The following ZNF208 variants were observed in gnomAD, a reference collection of about 807,000 sequenced individuals.
ZNF208 encodes zinc finger protein 95.
ZNF208 carries 10 observed loss-of-function variants against 12.1 expected under a neutral mutation model. The ratio of observed to expected loss-of-function variants is 0.83; its 90% CI spans 0.51 to 1.40. The LOEUF (loss-of-function observed/expected upper bound fraction) is 1.40. Ranked by LOEUF, ZNF208 falls within the 40% of genes most tolerant of loss-of-function variation. ZNF208 has a pLI of 0.00. For missense variants in ZNF208, 1,652 were observed against 1,485.0 expected, an observed-to-expected ratio of 1.11 and a Z score of -1.85; for synonymous variants, 497 against 488.4, an observed-to-expected ratio of 1.02 and a Z score of -0.23.
At position 21,971,844 on chromosome 19, in the gene ZNF208, T is replaced by C. The variant is rs1178559525; in HGVS notation, c.3190A>G (p.Lys1064Glu). ...EKPYKCEECGKAFSWPSRLTE... is the reference protein window; with the variant it reads ...EKPYKCEECGEAFSWPSRLTE... ...AGTCTTGAGGGCCAGCTGAAGGCTT[T>C]GCCACATTCTTCACATTTGTAGGGT... Residue 1064 changes from lysine to glutamate, a missense_variant, in exon 4 of 4, where the codon AAA becomes GAA. Coordinates refer to ENST00000397126, the MANE Select transcript of ZNF208 (RefSeq NM_007153.3). 1 of 1,613,650 alleles carries C rather than the reference T, an allele frequency of 6.2e-7. No individual in the cohort carries two copies. Among genetic ancestry groups the C allele is most frequent in the South Asian group, 1.1e-5 (1 of 91,006 alleles).
At chr19:21,948,873 C>T (rs535556151) in intron 4 of ZNF208, among the ~76,000 whole-genome samples, 36 of 152,266 alleles carry the variant, frequency 2.4e-4, no homozygotes, top group African/African-American at 8.4e-4. Context: ...GAGACAGAAT[C>T]CCCATTCCCA....
intron 2 of ZNF208, among the ~76,000 whole-genome samples, chr19:21,988,174 G>A (rs1970658880): frequency 6.6e-6 from 1 of 152,066 alleles, no homozygotes; most frequent in Non-Finnish European, 1.5e-5. Flanking sequence ...GCTCAAGAAT[G>A]TGGTAAGTTC....
intron 1 of ZNF208, among the ~76,000 whole-genome samples, chr19:21,999,195 A>C: frequency 6.6e-6 from 1 of 152,272 alleles, no homozygotes; most frequent in Non-Finnish European, 1.5e-5. Flanking sequence ...AGTATGAATA[A>C]TTTTATGTAC....
chr19:22,010,356 CTT>C (rs1971123490), intron 1 of ZNF208, among the ~76,000 whole-genome samples: 1 of 152,190 alleles, frequency 6.6e-6, no homozygotes, highest in South Asian at 2.1e-4. Context: ...TGGAATCACT[CTT>C]TGATTAAATT....
intron 1 of ZNF208, among the ~76,000 whole-genome samples, chr19:21,989,308 A>G (rs1296704850): frequency 1.4e-5 from 2 of 140,060 alleles, no homozygotes; most frequent in East Asian, 2.1e-4. Context: ...TCATTGTTCA[A>G]TTCCCATCTA....
rs1421005002 is a variant in ZNF208 at position 21,969,566 on chromosome 19, T to C, written c.*1625A>G. ...ACATATTTTAGTATAAACGCATTTG[T>C]GTTTTATAATCTGTAGTTTTTGAAA... is the stretch of plus-strand genomic sequence containing the variant. On this transcript the variant is annotated 3_prime_UTR_variant, in exon 4 of 4. Coordinates refer to ENST00000397126, the MANE Select transcript of ZNF208 (RefSeq NM_007153.3). 1.3e-5 allele frequency among the ~76,000 whole-genome samples: 2 copies of C among 152,178 alleles called. No individual in the cohort carries two copies. The highest frequency in any genetic ancestry group is 2.9e-5 in the Non-Finnish European group (2 of 68,036).
intron 4 of ZNF208, among the ~76,000 whole-genome samples, chr19:21,952,732 G>T: frequency 6.6e-6 from 1 of 152,160 alleles, no homozygotes; most frequent in East Asian, 1.9e-4. Context: ...TAGAAAAGCT[G>T]AAAATTCTAA....
In ZNF208 at chr19:21,988,904, T is replaced by C; in HGVS notation, c.9A>G (p.Ser3=). ...CTATGGCCACATCCCTAAATGTCAA[T>C]GATCCCTGGAAAACACAAACACACA... MG[S]LTFRDVAIEF... The change falls in exon 2 of 4, where the codon TCA becomes TCG. Residue 3 remains serine, a synonymous_variant. Transcript: ENST00000397126. 2.5e-6 allele frequency: 4 copies of C among 1,613,952 alleles called. No individual in the cohort carries two copies. Among genetic ancestry groups the C allele is most frequent in the Non-Finnish European group, 3.4e-6 (4 of 1,179,910 alleles).
At chr19:21,941,320 GAA>G in intron 4 of ZNF208, 1 of 398,864 alleles carries the variant, frequency 2.5e-6, no homozygotes. Flanking sequence ...CATCATGATA[GAA>G]AGAGTTGATG....
rs1472212753 is a variant in ZNF208 at position 21,971,685 on chromosome 19, C to T, written c.3349G>A (p.Glu1117Lys). The T allele has an allele frequency of 3.1e-6, 5 of 1,613,848 alleles. No homozygotes were observed. Among genetic ancestry groups the T allele is most frequent in the East Asian group, 4.5e-5 (2 of 44,840 alleles). The change falls in exon 4 of 4, where the codon GAA (glutamate) becomes AAA (lysine). Residue 1117 changes from glutamate (E) to lysine (K), a missense_variant. By Grantham distance (56) the Glu-to-Lys change is moderately conservative. Coordinates refer to ENST00000397126, the MANE Select transcript of ZNF208 (RefSeq NM_007153.3). ...AACGTACTAAAGCTTTTGCCACATT[C>T]TTCACATTTGTAGGGTTTCTCTCCA... ...HTGEKPYKCEECGKSFSTFSI... is the reference protein window; with the variant it reads ...HTGEKPYKCEKCGKSFSTFSI...
At chr19:21,954,953 T>C (rs1969948803) in intron 4 of ZNF208, among the ~76,000 whole-genome samples, 1 of 152,212 alleles carries the variant, frequency 6.6e-6, no homozygotes, top group African/African-American at 2.4e-5. Flanking sequence ...TTGGCATGTT[T>C]TTGCAGTAGC....
chr19:21,972,844 A>T lies in ZNF208; in HGVS notation c.2190T>A (p.Phe730Leu). 6.2e-7 allele frequency: 1 copy of T among 1,609,166 alleles called. No individual in the cohort carries two copies. The highest frequency in any genetic ancestry group is 8.5e-7 in the Non-Finnish European group (1 of 1,178,788). The change falls in exon 4 of 4, where the codon TTT becomes TTA. Residue 730 changes from phenylalanine (F) to leucine (L), a missense_variant. Around this residue, in one of 3 missense-constraint regions of ZNF208, gnomAD observed 1,239 missense variants for 1,086.2 expected, o/e 1.14. Coordinates refer to ENST00000397126, the MANE Select transcript of ZNF208 (RefSeq NM_007153.3). ...PYKCEECGKS[F>L]STFSVLTKHK... Reference sequence around the variant, plus strand: ...GTTTAGTAAGGACTGAGAATGTACTAAAGCTTTTGCCACATTCTTCACATT... The same window carrying T: ...GTTTAGTAAGGACTGAGAATGTACTTAAGCTTTTGCCACATTCTTCACATT...
intron 1 of ZNF208, chr19:21,998,633 A>T (rs1477783279): frequency 6.6e-6 from 1 of 151,828 alleles, no homozygotes; most frequent in Non-Finnish European, 1.5e-5. Context: ...ACGAGGTTTC[A>T]CCACATTGTC....
chr19:21,992,470 A>G (rs1970758079), intron 1 of ZNF208, among the ~76,000 whole-genome samples: 1 of 152,192 alleles, frequency 6.6e-6, no homozygotes, highest in Non-Finnish European at 1.5e-5. Context: ...TCTCCTAACA[A>G]TTTTTAAAGA....
intron 4 of ZNF208, among the ~76,000 whole-genome samples, chr19:21,942,636 ACTTTT>A (rs1969759046): frequency 6.6e-6 from 1 of 151,910 alleles, no homozygotes; most frequent in South Asian, 2.1e-4. Flanking sequence ...TGTTTGTATG[ACTTTT>A]CTTTCTTTCT....
Position 21,974,690 on chromosome 19 carries a change from A to G in ZNF208, c.344T>C (p.Ile115Thr). 6.2e-7 allele frequency: 1 copy of G among 1,613,538 alleles called. No individual in the cohort carries two copies. ...ACACTCATCCACATTGGTATAACCA[A>G]TTTTTAAGTGTAAATTCTCATGTCC... ...KCGHENLHLK[I>T]GYTNVDECKV... Residue 115 changes from isoleucine to threonine, a missense_variant, in exon 4 of 4, where the codon ATT (isoleucine) becomes ACT (threonine). Transcript: ENST00000397126.
At chr19:21,961,150 G>GT (rs1305102254), downstream of ZNF208, among the ~76,000 whole-genome samples, 1 of 152,132 alleles carries the variant, frequency 6.6e-6, no homozygotes, top group Non-Finnish European at 1.5e-5. Flanking sequence ...TCTATTTTCT[G>GT]TAAGTGTCAG....
In ZNF208 at chr19:22,001,892, C is replaced by CAAAAAAAAAAAAAAAAAAA. The variant is rs58939967; in HGVS notation, c.3+8881_3+8899dup. Reference sequence around the variant, plus strand: ...TGGATGACACAGTGAGACTCCATCCCAAAAAAAAAAAAAAAAAAAAAAAAA... The same window carrying CAAAAAAAAAAAAAAAAAAA: ...TGGATGACACAGTGAGACTCCATCCCAAAAAAAAAAAAAAAAAAAAAAAAAAAAAAAAAAAAAAAAAAAA... On this transcript the variant is annotated intron_variant, in intron 1 of 3. Coordinates refer to ENST00000397126, the MANE Select transcript of ZNF208 (RefSeq NM_007153.3). 2.2e-3 allele frequency among the ~76,000 whole-genome samples: 165 copies of CAAAAAAAAAAAAAAAAAAA among 74,102 alleles called. 32 individuals are homozygous for CAAAAAAAAAAAAAAAAAAA. Among genetic ancestry groups the CAAAAAAAAAAAAAAAAAAA allele is most frequent in the Non-Finnish European group, 3.1e-3 (115 of 36,768 alleles). 48.6% of individuals were successfully genotyped at this position (74,102 alleles called of 152,430 possible).
At chr19:21,991,841 C>G (rs1970742783) in intron 1 of ZNF208, 1 of 151,144 alleles carries the variant, frequency 6.6e-6, no homozygotes, top group African/African-American at 2.4e-5. Flanking sequence ...TAGAAGGTAT[C>G]ACTCAAATTT....
Sources: allele counts gnomAD v4.1 joint callset (sites outside exome capture counted in the v4.1 genomes callset), GRCh38; gene constraint gnomAD v4.1.1; regional missense constraint gnomAD v4.1.1; transcripts MANE v1.5; gene names NCBI Gene and HGNC (gene_info 2026-07-23, HGNC 2026-07-21).